The following SEPTIN2 variants were observed in gnomAD, a reference collection of about 807,000 sequenced individuals.
SEPTIN2 encodes the protein septin 2.
SEPTIN2 carries 34 observed loss-of-function variants against 46.5 expected under a neutral mutation model. The ratio of observed to expected loss-of-function variants is 0.73; its 90% confidence interval spans 0.56 to 0.97. The LOEUF is 0.97. SEPTIN2 is among the 50% of genes least tolerant of loss of function. SEPTIN2 has a pLI of 0.00. For synonymous variants in SEPTIN2, 175 were observed against 153.4 expected, an observed-to-expected ratio of 1.14 and a Z score of -1.04; for missense variants, 347 against 448.4, an observed-to-expected ratio of 0.77 and a Z score of 2.04.
At chr2:241,316,809 C>T (rs1330987833) in intron 1 of SEPTIN2, 10 of 363,644 alleles carry the variant, frequency 2.7e-5, no homozygotes, top group East Asian at 2.1e-4. Context: ...ACTTCTGCAC[C>T]TTTGGCCATT....
At chr2:241,335,084 A>T in intron 3 of SEPTIN2, 42 bp from the exon 4 acceptor site, 1 of 1,385,024 alleles carries the variant, frequency 7.2e-7, no homozygotes, top group Non-Finnish European at 1.0e-6. Flanking sequence ...GAATGGTGTC[A>T]TATGAATAAG....
rs1181227714 is a variant in SEPTIN2, at chr2:241,335,756, AC to A, written c.218-218del. 4.2e-5 allele frequency: 25 copies of A among 592,370 alleles called. No homozygotes were observed. In the South Asian group the frequency reaches 5.2e-4, roughly 12 times the overall value. The allele number at this position is 592,370 out of a possible 1,614,324, so 36.7% of individuals were successfully genotyped here. On this transcript the variant is annotated intron_variant, in intron 4 of 12. Transcript: ENST00000391971. ...CCAGGAACAGAAATTATAATTTTTA[AC>A]ATTTGTGTTTTTAACCTTCCCCAGT...
At chr2:241,323,330 C>G (rs2077430623) in intron 1 of SEPTIN2, among the ~76,000 whole-genome samples, 1 of 152,144 alleles carries the variant, frequency 6.6e-6, no homozygotes. Context: ...ACCACCACGC[C>G]TGGCTGAATC....
intron 4 of SEPTIN2, 87 bp downstream of exon 4, chr2:241,335,299 GTGTTT>G (rs1304441368): frequency 5.1e-6 from 8 of 1,565,634 alleles, no homozygotes; most frequent in Admixed American, 1.9e-5. Context: ...TCTTAGCTGT[GTGTTT>G]TGTTTGTTCT....
chr2:241,317,176 T>C (rs1465723799), intron 1 of SEPTIN2: 1 of 152,250 alleles, frequency 6.6e-6, no homozygotes, highest in Non-Finnish European at 1.5e-5. Context: ...TGAGCCTCAT[T>C]GTTTTCAGTG....
intron 3 of SEPTIN2, among the ~76,000 whole-genome samples, chr2:241,328,248 A>C (rs1241984422): frequency 4.6e-5 from 7 of 152,234 alleles, no homozygotes; most frequent in Admixed American, 1.3e-4. Context: ...CAGCCTGGCC[A>C]ACATGGCAAA....
At chr2:241,322,788 G>A (rs900341510) in intron 1 of SEPTIN2, among the ~76,000 whole-genome samples, 1 of 152,022 alleles carries the variant, frequency 6.6e-6, no homozygotes, top group Non-Finnish European at 1.5e-5. Flanking sequence ...CCAGTGGGTG[G>A]CAAACATGTT....
rs1195139083 is a variant in SEPTIN2 at position 241,346,527 on chromosome 2, T to C, written c.926+278T>C. ...CCTTGGGAGACCAAGGCAAGGTAGA[T>C]TGCCTGAGCGCAGGAGTTTTGAGAC... On this transcript the variant is annotated intron_variant, in intron 10 of 12. Coordinates refer to ENST00000391971, the MANE Select transcript of SEPTIN2 (RefSeq NM_004404.5). 6 of 188,232 alleles carry C rather than the reference T, an allele frequency of 3.2e-5. No homozygotes were observed. In the South Asian group the frequency reaches 4.0e-4, roughly 12 times the overall value. 11.7% of individuals were successfully genotyped at this position (188,232 alleles called of 1,614,324 possible). A position where few individuals can be genotyped will look rare whatever the true frequency, so the allele number is the denominator to read the frequency against.
chr2:241,322,863 A>C (rs903960835), intron 1 of SEPTIN2, among the ~76,000 whole-genome samples: 2 of 152,144 alleles, frequency 1.3e-5, no homozygotes, highest in African/African-American at 4.8e-5. Context: ...AGAGAGGGGA[A>C]ATGACATAAT....
At position 241,350,197 on chromosome 2, in the gene SEPTIN2, G is replaced by A. The variant is rs776540722; in HGVS notation, c.*23G>A. The stretch of plus-strand genomic sequence containing the variant: ...TAAGGTGATGTGCACATATCAAGAA[G>A]TCAGAGGTAGGCCCTGTTGTCCCTT... On this transcript the variant is annotated 3_prime_UTR_variant, in exon 12 of 13. Coordinates refer to ENST00000391971, the MANE Select transcript of SEPTIN2 (RefSeq NM_004404.5). The A allele has an allele frequency of 1.9e-6, 3 of 1,577,146 alleles. No homozygotes were observed. Among genetic ancestry groups the A allele is most frequent in the Non-Finnish European group, 2.6e-6 (3 of 1,157,852 alleles).
intron 3 of SEPTIN2, among the ~76,000 whole-genome samples, chr2:241,334,536 CATAT>C (rs1559627472): frequency 6.6e-6 from 1 of 152,092 alleles, no homozygotes; most frequent in Non-Finnish European, 1.5e-5. Context: ...AGTTGCCCGA[CATAT>C]GACAGTTGCC....
intron 7 of SEPTIN2, among the ~76,000 whole-genome samples, chr2:241,340,906 T>C (rs1048739429): frequency 6.6e-6 from 1 of 152,190 alleles, no homozygotes; most frequent in African/African-American, 2.4e-5. Flanking sequence ...AGACACTTAC[T>C]GGTAGCTGTT....
At chr2:241,343,953 C>T (rs1559658597) in intron 9 of SEPTIN2, 56 bp downstream of exon 9, 6 of 1,600,104 alleles carry the variant, frequency 3.7e-6, no homozygotes, top group Non-Finnish European at 5.1e-6. Context: ...ATATGGATTT[C>T]AGACGGGGTG....
At chr2:241,350,623 G>C (rs1377644569) in intron 12 of SEPTIN2, among the ~76,000 whole-genome samples, 3 of 152,236 alleles carry the variant, frequency 2.0e-5, no homozygotes, top group African/African-American at 7.2e-5. Context: ...ATTAAAAGTA[G>C]AGATGGCACA....
chr2:241,332,838 C>G (rs1316048743), intron 3 of SEPTIN2, among the ~76,000 whole-genome samples: 1 of 152,204 alleles, frequency 6.6e-6, no homozygotes, highest in Non-Finnish European at 1.5e-5. Flanking sequence ...AGTCTCAGAG[C>G]TTTGTTGAGC....
rs182812014 is a variant in SEPTIN2 at position 241,339,435 on chromosome 2, C to T, written c.594+1645C>T. On this transcript the variant is annotated intron_variant, in intron 7 of 12. Coordinates refer to ENST00000391971, the MANE Select transcript of SEPTIN2 (RefSeq NM_004404.5). ...AAAGAACAACTGTTAAGTATATATC[C>T]TTCTAGAACATAGCTTATGTTTTTG... Among the ~76,000 whole-genome samples the T allele has an allele frequency of 7.8e-4, 118 of 151,826 alleles. 1 individual carries two copies. Among genetic ancestry groups the T allele is most frequent in the African/African-American group, 2.7e-3 (111 of 41,406 alleles).
chr2:241,350,202 A>T lies in SEPTIN2; in HGVS notation c.*28A>T. On this transcript the variant is annotated splice_region_variant and 3_prime_UTR_variant, in exon 12 of 13. Coordinates refer to ENST00000391971, the MANE Select transcript of SEPTIN2 (RefSeq NM_004404.5). Reference sequence around the variant, plus strand: ...TGATGTGCACATATCAAGAAGTCAGAGGTAGGCCCTGTTGTCCCTTAGCCT... The same window carrying T: ...TGATGTGCACATATCAAGAAGTCAGTGGTAGGCCCTGTTGTCCCTTAGCCT... 6.4e-7 allele frequency: 1 copy of T among 1,564,618 alleles called. No individual in the cohort carries two copies. Among genetic ancestry groups the T allele is most frequent in the Non-Finnish European group, 8.7e-7 (1 of 1,149,826 alleles).
chr2:241,327,599 C>G (rs967681561), intron 3 of SEPTIN2, among the ~76,000 whole-genome samples: 2 of 150,826 alleles, frequency 1.3e-5, no homozygotes, highest in Non-Finnish European at 2.9e-5. Flanking sequence ...TTGACAAATA[C>G]CAGGCAAAAT....
At chr2:241,337,832 CG>C (rs1559638985) in intron 7 of SEPTIN2, 42 bp downstream of exon 7, 1 of 1,373,844 alleles carries the variant, frequency 7.3e-7, no homozygotes. Context: ...GGGTGCGACT[CG>C]GGGGCATGGG....
Sources: allele counts gnomAD v4.1 joint callset (sites outside exome capture counted in the v4.1 genomes callset), GRCh38; gene constraint gnomAD v4.1.1; transcripts MANE v1.5; gene names NCBI Gene and HGNC (gene_info 2026-07-23, HGNC 2026-07-21).